The following ABCC2 variants were observed in gnomAD, a reference collection of about 807,000 sequenced individuals.
ABCC2 encodes the protein ATP-binding cassette sub-family C member 2.
In ABCC2, 157 loss-of-function variants were observed where a neutral mutation model predicts 173.4. That is an observed-to-expected ratio of 0.91 (90% confidence interval 0.80 to 1.03). The LOEUF (loss-of-function observed/expected upper bound fraction) is 1.03. Among genes scored for constraint, ABCC2 ranks in the 50% least tolerant of loss-of-function variants. ABCC2 has a pLI of 0.00. For missense variants in ABCC2, 1,822 were observed against 1,852.3 expected (o/e 0.98, Z 0.30); for synonymous variants, 657 against 693.5 (o/e 0.95, Z 0.83).
chr10:99,831,889 A>G, intron 22 of ABCC2, 59 bp downstream of exon 22: 1 of 1,610,938 alleles, frequency 6.2e-7, no homozygotes, highest in East Asian at 2.2e-5. Flanking sequence ...CTTTTCCTGG[A>G]CTCAGGAATG....
chr10:99,832,246 T>G, intron 23 of ABCC2, 115 bp downstream of exon 23: 1 of 1,350,244 alleles, frequency 7.4e-7, no homozygotes, highest in Non-Finnish European at 1.0e-6. Context: ...CTTTTGTCAC[T>G]CAACATGCAA....
intron 21 of ABCC2, 95 bp from the exon 22 acceptor site, chr10:99,831,515 AG>A: frequency 8.1e-7 from 1 of 1,233,382 alleles, no homozygotes; most frequent in Non-Finnish European, 1.2e-6. Context: ...CCATGCTCCC[AG>A]GGGACTCCAC....
rs780133608 is a variant in ABCC2, at chr10:99,797,079, G to A, written c.633-18G>A. ...ACCCAGCCTGGGGGTCTCAGCCTGT[G>A]GTTCGCTCTTGTTCCAGCATCATTC... On this transcript the variant is annotated intron_variant, in intron 6 of 31. Coordinates refer to ENST00000647814, the MANE Select transcript of ABCC2 (RefSeq NM_000392.5). The A allele has an allele frequency of 8.1e-6, 13 of 1,612,300 alleles. No homozygotes were observed. Among genetic ancestry groups the A allele is most frequent in the Non-Finnish European group, 1.0e-5 (12 of 1,178,582 alleles).
chr10:99,794,536 A>AT, intron 6 of ABCC2, 68 bp downstream of exon 6: 1 of 1,438,818 alleles, frequency 7.0e-7, no homozygotes, highest in Non-Finnish European at 9.7e-7. Context: ...TGTCAGAAAG[A>AT]TTTTTTATTT....
At chr10:99,809,040 G>A (rs2038164170) in intron 13 of ABCC2, among the ~76,000 whole-genome samples, 2 of 152,120 alleles carry the variant, frequency 1.3e-5, no homozygotes, top group South Asian at 4.1e-4. Flanking sequence ...TGCATTCCTG[G>A]TCCTCAGGAT....
In ABCC2 at chr10:99,835,090, C is replaced by T. The variant is rs548786240; in HGVS notation, c.3414+555C>T. ...GCAGCTTGAAAGCAAAACAGGGAAA[C>T]TGGAACGAGTGGAAGGAACCCTATT... On this transcript the variant is annotated intron_variant, in intron 24 of 31. Transcript: ENST00000647814. Among the ~76,000 whole-genome samples, 11 of 152,278 alleles carry T rather than the reference C, an allele frequency of 7.2e-5. 1 individual carries two copies. The highest frequency in any genetic ancestry group is 2.0e-4 in the Admixed American group (3 of 15,296).
At position 99,832,131 on chromosome 10, in the gene ABCC2, C is replaced by A. The variant is rs200115373; in HGVS notation, c.3258C>A (p.Gly1086=). 8 of 1,613,998 alleles carry A rather than the reference C, an allele frequency of 5.0e-6. No individual in the cohort carries two copies. Among genetic ancestry groups the A allele is most frequent in the Non-Finnish European group, 6.8e-6 (8 of 1,180,018 alleles). The change falls in exon 23 of 32, where the codon GGC becomes GGA. Residue 1086 remains glycine (G), a splice_region_variant and synonymous_variant. Transcript: ENST00000647814. The stretch of plus-strand genomic sequence containing the variant: ...GCCGGATTGTGAACAGGTTTGCCGG[C>A]GTAAGTATCTCAAGAACTGTCAGGT... ...PTGRIVNRFA[G]DISTVDDTLP... is the part of the protein sequence containing the mutation.
At chr10:99,784,925 CT>C in intron 2 of ABCC2, 144 bp downstream of exon 2, 2 of 980,198 alleles carry the variant, frequency 2.0e-6, no homozygotes, top group Non-Finnish European at 3.0e-6. Flanking sequence ...CAAGGTTTCC[CT>C]CACGGGTCCC....
At chr10:99,814,682 CACGTGTATATACACAT>C (rs2038359039) in intron 16 of ABCC2, among the ~76,000 whole-genome samples, 1 of 123,476 alleles carries the variant, frequency 8.1e-6, no homozygotes. Context: ...CATATACACA[CACGTGTATATACACAT>C]ATATGTGTAT....
At position 99,804,264 on chromosome 10, in the gene ABCC2, G is replaced by A; in HGVS notation, c.1455G>A (p.Lys485=). The part of the protein sequence containing the change: ...PINAILSTKS[K]TIQVKNMKNK... ...ATGCGATACTGTCCACCAAGAGTAA[G>A]ACCATTCAGGTAAAGAAAAAGTCAC... Residue 485 remains lysine (K), a synonymous_variant, in exon 10 of 32, where the codon AAG becomes AAA. Coordinates refer to ENST00000647814, the MANE Select transcript of ABCC2 (RefSeq NM_000392.5). 6.2e-7 allele frequency: 1 copy of A among 1,614,072 alleles called. No homozygotes were observed. The highest frequency in any genetic ancestry group is 8.5e-7 in the Non-Finnish European group (1 of 1,179,994).
At position 99,814,209 on chromosome 10, in the gene ABCC2, ACATG is replaced by A. The variant is rs1564683665; in HGVS notation, c.2094+1066_2094+1069del. The stretch of plus-strand genomic sequence containing the variant: ...TATACACACATGTGTATATATACAC[ACATG>A]TGTATATATACACACATGTGTATAT... On this transcript the variant is annotated intron_variant, in intron 16 of 31. Transcript: ENST00000647814. Among the ~76,000 whole-genome samples the A allele has an allele frequency of 2.4e-3, 183 of 75,018 alleles. 4 individuals are homozygous for A. Among genetic ancestry groups the A allele is most frequent in the Middle Eastern group, 8.3e-3 (1 of 120 alleles). The allele number at this position is 75,018 out of a possible 152,430, so 49.2% of individuals were successfully genotyped here.
At chr10:99,818,481 T>A (rs1479755247) in intron 17 of ABCC2, among the ~76,000 whole-genome samples, 1 of 152,240 alleles carries the variant, frequency 6.6e-6, no homozygotes, top group Non-Finnish European at 1.5e-5. Flanking sequence ...AAACAGTGTT[T>A]TAAGTTCTGG....
At chr10:99,813,975 C>T (rs1244353018) in intron 16 of ABCC2, among the ~76,000 whole-genome samples, 4 of 151,862 alleles carry the variant, frequency 2.6e-5, no homozygotes, top group Non-Finnish European at 5.9e-5. Flanking sequence ...TTGGGCCTTT[C>T]TCTTCCTCCT....
At chr10:99,818,101 T>C (rs958630467) in intron 17 of ABCC2, among the ~76,000 whole-genome samples, 3 of 151,886 alleles carry the variant, frequency 2.0e-5, no homozygotes, top group African/African-American at 4.8e-5. Flanking sequence ...CAGGCGCCTG[T>C]AGTCCCAGCT....
rs1188144531 is a variant in ABCC2 at position 99,847,142 on chromosome 10, C to G, written c.4313+15C>G. 1 of 1,613,916 alleles carries G rather than the reference C, an allele frequency of 6.2e-7. No homozygotes were observed. The highest frequency in any genetic ancestry group is 8.5e-7 in the Non-Finnish European group (1 of 1,179,958). On this transcript the variant is annotated intron_variant, in intron 30 of 31. Coordinates refer to ENST00000647814, the MANE Select transcript of ABCC2 (RefSeq NM_000392.5). ...GGCAACCTGAGGTAATGTTCCATAG[C>G]CTGCTACCCCTGCAGGCAATGAGAG...
At chr10:99,789,462 C>T (rs2037775517) in intron 2 of ABCC2, 1 of 152,200 alleles carries the variant, frequency 6.6e-6, no homozygotes, top group African/African-American at 2.4e-5. Flanking sequence ...CGTCTGTAAT[C>T]CCAGCACTTT....
At position 99,844,392 on chromosome 10, in the gene ABCC2, A is replaced by G. The variant is rs747354567; in HGVS notation, c.3914A>G (p.Tyr1305Cys). 3 of 1,614,262 alleles carry G rather than the reference A, an allele frequency of 1.9e-6. No homozygotes were observed. Among genetic ancestry groups the G allele is most frequent in the Non-Finnish European group, 2.5e-6 (3 of 1,180,048 alleles). Residue 1305 changes from tyrosine to cysteine, a missense_variant, in exon 28 of 32, where the codon TAC (tyrosine) becomes TGC (cysteine). Coordinates refer to ENST00000647814, the MANE Select transcript of ABCC2 (RefSeq NM_000392.5). Reference protein sequence around the residue: ...PSKGKIQFNNYQVRYRPELDL... With the variant: ...PSKGKIQFNNCQVRYRPELDL... ...AAAGGCAAGATCCAGTTTAACAACT[A>G]CCAAGTGCGGTACCGACCTGAGCTG... is the stretch of plus-strand genomic sequence containing the variant.
At position 99,814,574 on chromosome 10, in the gene ABCC2, C is replaced by T. The variant is rs868109160; in HGVS notation, c.2094+1430C>T. On this transcript the variant is annotated intron_variant, in intron 16 of 31. Transcript: ENST00000647814. The stretch of plus-strand genomic sequence containing the variant: ...ATGTGTATATACACATATACACACA[C>T]ATATGTGTATATACACATATACACA... Among the ~76,000 whole-genome samples the T allele has an allele frequency of 5.2e-5, 5 of 96,932 alleles. 1 individual carries two copies. Among genetic ancestry groups the T allele is most frequent in the African/African-American group, 8.3e-5 (2 of 24,120 alleles). The allele number at this position is 96,932 out of a possible 152,430, so 63.6% of individuals were successfully genotyped here. A position where few individuals can be genotyped will look rare whatever the true frequency, so the allele number is the denominator to read the frequency against.
rs559137047 is a variant in ABCC2, at chr10:99,836,256, C to T, written c.3580C>T (p.Gln1194Ter). ...CAATGAGGTGAGGATTGACACCAAC[C>T]AGAAATGTGTCTTTTCCTGGATCAC... Reference protein sequence around the residue: ...KHNEVRIDTNQKCVFSWITSN... With the variant: ...KHNEVRIDTN The change falls in exon 25 of 32, where the codon CAG becomes TAG. Residue 1194 changes from glutamine (Q) to a stop codon, truncating the protein, a stop_gained. Coordinates refer to ENST00000647814, the MANE Select transcript of ABCC2 (RefSeq NM_000392.5). LOFTEE classifies it high-confidence loss of function. The T allele has an allele frequency of 3.7e-6, 6 of 1,614,182 alleles. No homozygotes were observed. In the South Asian group the frequency reaches 6.6e-5, roughly 18 times the overall value.
Sources: allele counts gnomAD v4.1 joint callset (sites outside exome capture counted in the v4.1 genomes callset), GRCh38; gene constraint gnomAD v4.1.1; transcripts MANE v1.5; gene names NCBI Gene and HGNC (gene_info 2026-07-23, HGNC 2026-07-21).